C10orf67: variants seen among roughly 807,000 people sequenced by gnomAD.
C10orf67 encodes the protein chromosome 10 open reading frame 67, also known as uncharacterized protein C10orf67, mitochondrial.
A neutral mutation model predicts 35.6 loss-of-function variants in C10orf67; 60 were observed. The observed-to-expected ratio is 1.68, with a 90% CI of 1.37 to 2.09. The LOEUF is 2.09. C10orf67 is among the 30% of genes most tolerant of loss of function. The pLI, the probability that C10orf67 is intolerant of heterozygous loss-of-function variation, is 0.00. For missense variants in C10orf67, 474 were observed against 330.2 expected, an observed-to-expected ratio of 1.44 and a Z score of -3.38; for synonymous variants, 167 against 115.8, an observed-to-expected ratio of 1.44 and a Z score of -2.84.
intron 8 of C10orf67, among the ~76,000 whole-genome samples, chr10:23,273,176 G>T (rs1250362282): frequency 6.6e-6 from 1 of 152,150 alleles, no homozygotes; most frequent in African/African-American, 2.4e-5. Flanking sequence ...ATTTATTTTT[G>T]TGTGTGTGCA....
intron 8 of C10orf67, among the ~76,000 whole-genome samples, chr10:23,276,316 G>A (rs57592057): frequency 1.3e-5 from 2 of 152,116 alleles, no homozygotes; most frequent in African/African-American, 2.4e-5. Context: ...AATGGCTCAG[G>A]GGGGGATAAA....
chr10:23,268,253 C>T (rs1053858766), intron 8 of C10orf67, among the ~76,000 whole-genome samples: 1 of 152,148 alleles, frequency 6.6e-6, no homozygotes, highest in Non-Finnish European at 1.5e-5. Context: ...TGTGATTGTG[C>T]CACTGCACTC....
At chr10:23,329,569 C>T (rs1845349242) in intron 2 of C10orf67, among the ~76,000 whole-genome samples, 7 of 151,818 alleles carry the variant, frequency 4.6e-5, no homozygotes, top group Admixed American at 4.6e-4. Context: ...CAAGATTGAA[C>T]AACAATAGTG....
rs747833558 is a variant in C10orf67 at position 23,300,370 on chromosome 10, C to T, written c.702+2934G>A. The stretch of plus-strand genomic sequence containing the variant: ...GCTTGCCTGAGGGCCATGACTAAAG[C>T]GGTGGCCTTTTTTTATCCCGTTTGT... On this transcript the variant is annotated intron_variant, in intron 5 of 15. Coordinates refer to ENST00000636213, the MANE Select transcript of C10orf67 (RefSeq NM_001371909.1). Among the ~76,000 whole-genome samples, 4 of 152,268 alleles carry T rather than the reference C, an allele frequency of 2.6e-5. No individual in the cohort carries two copies. In the East Asian group the frequency reaches 5.8e-4, roughly 22 times the overall value.
At chr10:23,281,863 A>G (rs11013364) in intron 8 of C10orf67, 150 bp downstream of exon 8, 47,638 of 384,178 alleles carry the variant, frequency 0.12, 7,200 homozygotes, top group East Asian at 0.62. Context: ...CCATTTACAT[A>G]TGTTTATAAT....
At chr10:23,257,527 G>A (rs1842634726) in intron 10 of C10orf67, among the ~76,000 whole-genome samples, 1 of 152,184 alleles carries the variant, frequency 6.6e-6, no homozygotes, top group African/African-American at 2.4e-5. Flanking sequence ...CTGTTGCCTG[G>A]TGCAGTGGCT....
At chr10:23,267,337 T>C (rs1386539658) in intron 8 of C10orf67, 83 bp from the exon 9 acceptor site, 2 of 622,844 alleles carry the variant, frequency 3.2e-6, no homozygotes, top group African/African-American at 1.8e-5. Flanking sequence ...CTATAAGCAA[T>C]GAAAGAGTAA....
intron 12 of C10orf67, 48 bp from the exon 13 acceptor site, chr10:23,239,864 A>C: frequency 1.8e-6 from 1 of 566,290 alleles, no homozygotes; most frequent in Non-Finnish European, 3.4e-6. Context: ...AAATCATAGC[A>C]TAAAGCAAAT....
chr10:23,283,937 C>G (rs891863985), intron 7 of C10orf67, among the ~76,000 whole-genome samples: 1 of 152,120 alleles, frequency 6.6e-6, no homozygotes, highest in African/African-American at 2.4e-5. Context: ...AGAACAGAGT[C>G]TACTGTGGCA....
intron 12 of C10orf67, among the ~76,000 whole-genome samples, chr10:23,243,674 C>G (rs1842240762): frequency 7.2e-6 from 1 of 139,638 alleles, no homozygotes; most frequent in Admixed American, 7.3e-5. Context: ...GCAACAAGAG[C>G]AAAATCTCTG....
At chr10:23,256,622 C>T (rs559028383) in intron 10 of C10orf67, among the ~76,000 whole-genome samples, 5 of 151,798 alleles carry the variant, frequency 3.3e-5, no homozygotes, top group South Asian at 2.1e-4. Flanking sequence ...TGTTGGTGAG[C>T]GGGGCAGTCT....
chr10:23,283,923 C>A (rs1843447825), intron 7 of C10orf67, among the ~76,000 whole-genome samples: 1 of 152,078 alleles, frequency 6.6e-6, no homozygotes, highest in Non-Finnish European at 1.5e-5. Context: ...GAATGAAATT[C>A]ATGAGAACAG....
chr10:23,218,402 C>T (rs1403849479), intron 15 of C10orf67, among the ~76,000 whole-genome samples: 6 of 149,834 alleles, frequency 4.0e-5, no homozygotes, highest in Non-Finnish European at 7.4e-5. Flanking sequence ...CCTGCCTTGG[C>T]CTCCCAAAGT....
At chr10:23,325,021 G>A (rs942959776) in intron 2 of C10orf67, among the ~76,000 whole-genome samples, 1 of 152,008 alleles carries the variant, frequency 6.6e-6, no homozygotes, top group Non-Finnish European at 1.5e-5. Context: ...AATCAGAAAG[G>A]GGAACTCTAA....
intron 2 of C10orf67, among the ~76,000 whole-genome samples, chr10:23,328,376 G>GA (rs1380492366): frequency 1.3e-5 from 2 of 152,138 alleles, no homozygotes; most frequent in Non-Finnish European, 2.9e-5. Flanking sequence ...TCTATGGAAA[G>GA]TTTTTGCTTT....
intron 13 of C10orf67, among the ~76,000 whole-genome samples, chr10:23,232,157 G>T: frequency 6.6e-6 from 1 of 152,126 alleles, no homozygotes; most frequent in East Asian, 1.9e-4. Flanking sequence ...TCTTTAAATT[G>T]TGTGTATGTG....
In C10orf67 at chr10:23,313,656, T is replaced by C. The variant is rs144495626; in HGVS notation, c.546+7085A>G. Reference sequence around the variant, plus strand: ...AGAGAAAGAGCAAGAAGGGACATTATGTGAAAATTCCAGGGAGGTGGTTAA... The same window carrying C: ...AGAGAAAGAGCAAGAAGGGACATTACGTGAAAATTCCAGGGAGGTGGTTAA... On this transcript the variant is annotated intron_variant, in intron 4 of 15. Coordinates refer to ENST00000636213, the MANE Select transcript of C10orf67 (RefSeq NM_001371909.1). Among the ~76,000 whole-genome samples the C allele has an allele frequency of 1.2e-4, 19 of 152,224 alleles. No individual in the cohort carries two copies. In the East Asian group the frequency reaches 3.3e-3, roughly 26 times the overall value.
At chr10:23,326,089 G>A (rs374250006) in intron 2 of C10orf67, among the ~76,000 whole-genome samples, 1 of 152,108 alleles carries the variant, frequency 6.6e-6, no homozygotes, top group Non-Finnish European at 1.5e-5. Flanking sequence ...AGTAATTGGA[G>A]AGGATAGAAA....
chr10:23,321,506 C>T (rs779735982), intron 3 of C10orf67, among the ~76,000 whole-genome samples: 3 of 152,096 alleles, frequency 2.0e-5, no homozygotes, highest in African/African-American at 7.2e-5. Context: ...GCCATCGCCT[C>T]CCAGCCTCAA....
Sources: allele counts gnomAD v4.1 joint callset (sites outside exome capture counted in the v4.1 genomes callset), GRCh38; gene constraint gnomAD v4.1.1; transcripts MANE v1.5; gene names NCBI Gene and HGNC (gene_info 2026-07-23, HGNC 2026-07-21).